DMBT1: variants seen among roughly 807,000 people sequenced by gnomAD.
DMBT1 encodes scavenger receptor cysteine-rich domain-containing protein DMBT1.
A neutral mutation model predicts 252.9 loss-of-function variants in DMBT1; 198 were observed. The observed-to-expected ratio is 0.78, with a 90% CI of 0.70 to 0.88. The LOEUF (loss-of-function observed/expected upper bound fraction) is 0.88, where lower values mean the gene tolerates loss of function less well. Ranked by LOEUF, DMBT1 falls within the 40% of genes least tolerant of loss-of-function variation. DMBT1 has a pLI of 0.00. For synonymous variants in DMBT1, 990 were observed against 942.7 expected, an observed-to-expected ratio of 1.05 and a Z score of -0.92; for missense variants, 2,432 against 2,404.7, an observed-to-expected ratio of 1.01 and a Z score of -0.24.
intron 45 of DMBT1, 32 bp from the exon 46 acceptor site, chr10:122,625,900 TA>T: frequency 6.3e-7 from 1 of 1,588,202 alleles, no homozygotes; most frequent in Non-Finnish European, 8.6e-7. Flanking sequence ...AATTATCTAC[TA>T]AAATCCTAAA....
chr10:122,575,613 G>A (rs1223273964), intron 6 of DMBT1, among the ~76,000 whole-genome samples: 1 of 152,148 alleles, frequency 6.6e-6, no homozygotes, highest in Non-Finnish European at 1.5e-5. Flanking sequence ...TGTTGTGACA[G>A]GTAATGAGTA....
In DMBT1 at chr10:122,579,779, G is replaced by A; in HGVS notation, c.881G>A (p.Gly294Glu). ...PGNAQFGQGS[G>E]PIVLDDVRCS... ...AATGCCCAGTTTGGCCAGGGCTCAG[G>A]ACCCATTGTCCTGGATGATGTGCGC... The change falls in exon 10 of 56, where the codon GGA becomes GAA. Residue 294 changes from glycine (G) to glutamate (E), a missense_variant. Gly to Glu is a moderately conservative substitution (Grantham distance 98, BLOSUM62 -2). This residue lies in a region of DMBT1 where 1,264 missense variants were observed against 1,082.2 expected (regional missense o/e 1.17). Transcript: ENST00000338354. 6.2e-7 allele frequency: 1 copy of A among 1,613,790 alleles called. No homozygotes were observed. Among genetic ancestry groups the A allele is most frequent in the Non-Finnish European group, 8.5e-7 (1 of 1,179,736 alleles).
At chr10:122,566,479 T>C (rs2097593827) in intron 2 of DMBT1, among the ~76,000 whole-genome samples, 1 of 151,856 alleles carries the variant, frequency 6.6e-6, no homozygotes, top group Non-Finnish European at 1.5e-5. Flanking sequence ...GCCCAGCTAA[T>C]TTTTGTATTT....
At chr10:122,625,651 G>C (rs1359246916) in intron 45 of DMBT1, among the ~76,000 whole-genome samples, 1 of 152,188 alleles carries the variant, frequency 6.6e-6, no homozygotes, top group East Asian at 1.9e-4. Context: ...ACATAGCCAA[G>C]TAATACTTCT....
rs1198325908 is a variant in DMBT1, at chr10:122,643,303, A to G, written c.7534A>G (p.Lys2512Glu). Residue 2512 changes from lysine (K) to glutamate (E), a missense_variant, in exon 56 of 56, where the codon AAG (lysine) becomes GAG (glutamate). Physicochemically the swap from Lys to Glu is moderately conservative, Grantham distance 56. Coordinates refer to ENST00000338354, the MANE Select transcript of DMBT1 (RefSeq NM_001377530.1). ...RCYRGCVLRS[K>E]RDVGSYQEKV... The stretch of plus-strand genomic sequence containing the variant: ...CTACCGAGGCTGTGTGTTGAGGTCG[A>G]AGAGGGATGTGGGCTCCTACCAGGA... The G allele has an allele frequency of 6.2e-7, 1 of 1,613,762 alleles. No individual in the cohort carries two copies. Among genetic ancestry groups the G allele is most frequent in the East Asian group, 2.2e-5 (1 of 44,878 alleles).
At chr10:122,591,066 G>A (rs367746930) in intron 18 of DMBT1, among the ~76,000 whole-genome samples, 32 of 148,732 alleles carry the variant, frequency 2.2e-4, no homozygotes, top group South Asian at 1.1e-3. Context: ...TGCTCAGGCA[G>A]GGAGAGCGAT....
At chr10:122,591,358 A>G in intron 18 of DMBT1, 121 bp from the exon 19 acceptor site, 1 of 1,156,478 alleles carries the variant, frequency 8.6e-7, no homozygotes, top group South Asian at 1.3e-5. Context: ...CATGGGGAGC[A>G]AGTGGCAGGA....
chr10:122,579,978 C>G lies in DMBT1; in HGVS notation c.1003+77C>G, dbSNP rs373481699. ...AAGAAACTCCTAATTACATTCTGAT[C>G]TCCTCACTCAAAGCTTCTATGTTTT... is the stretch of plus-strand genomic sequence containing the variant. On this transcript the variant is annotated intron_variant, in intron 10 of 55. Coordinates refer to ENST00000338354, the MANE Select transcript of DMBT1 (RefSeq NM_001377530.1). 3.1e-5 allele frequency: 50 copies of G among 1,603,648 alleles called. 1 individual carries two copies. In the East Asian group the frequency reaches 1.0e-3, roughly 34 times the overall value.
In DMBT1 at chr10:122,588,947, C is replaced by T; in HGVS notation, c.1787C>T (p.Pro596Leu). 2 of 1,587,902 alleles carry T rather than the reference C, an allele frequency of 1.3e-6. 1 individual carries two copies. Among genetic ancestry groups the T allele is most frequent in the Non-Finnish European group, 1.7e-6 (2 of 1,165,718 alleles). Residue 596 changes from proline (P) to leucine (L), a missense_variant, in exon 17 of 56, where the codon CCT (proline) becomes CTT (leucine). By Grantham distance (98) the Pro-to-Leu change is moderately conservative (BLOSUM62 -3). Around this residue, in one of 3 missense-constraint regions of DMBT1, gnomAD observed 1,264 missense variants for 1,082.2 expected, o/e 1.17. Transcript: ENST00000338354. ...SEDAGVICSG[P>L]ESSLALRLVN... Reference sequence around the variant, plus strand: ...GGGTTCTTGTGTTCTCCTATAGGACCTGAATCCAGTTTGGCCCTGAGGCTG... The same window carrying T: ...GGGTTCTTGTGTTCTCCTATAGGACTTGAATCCAGTTTGGCCCTGAGGCTG...
chr10:122,570,678 G>T (rs996329904), intron 3 of DMBT1, among the ~76,000 whole-genome samples: 2 of 152,148 alleles, frequency 1.3e-5, no homozygotes, highest in Non-Finnish European at 2.9e-5. Flanking sequence ...TTGGGGGAGG[G>T]TAAGTAGAGC....
intron 26 of DMBT1, among the ~76,000 whole-genome samples, 162 bp from the exon 27 acceptor site, chr10:122,599,902 A>G (rs969586617): frequency 7.2e-5 from 11 of 151,998 alleles, no homozygotes; most frequent in African/African-American, 2.7e-4. Context: ...GACCCCTTAC[A>G]TGGTGCATCT....
rs772950024 is a variant in DMBT1, at chr10:122,630,534, C to A, written c.6025+44C>A. 6 of 1,590,196 alleles carry A rather than the reference C, an allele frequency of 3.8e-6. No homozygotes were observed. The East Asian group carries it at 1.3e-4, about 36-fold the overall frequency. On this transcript the variant is annotated intron_variant, in intron 48 of 55. Coordinates refer to ENST00000338354, the MANE Select transcript of DMBT1 (RefSeq NM_001377530.1). ...ATGCCTATGAGGCTTGGTGGATTTA[C>A]CCAGCTGCCTCTTTGGGGGCACCAT...
chr10:122,629,950 G>T lies in DMBT1; in HGVS notation c.5779G>T (p.Val1927Leu). The T allele has an allele frequency of 6.2e-7, 1 of 1,614,028 alleles. No individual in the cohort carries two copies. Among genetic ancestry groups the T allele is most frequent in the Non-Finnish European group, 8.5e-7 (1 of 1,179,904 alleles). Residue 1927 changes from valine to leucine, a missense_variant, in exon 47 of 56, where the codon GTG becomes TTG. By Grantham distance (32) the Val-to-Leu change is conservative (BLOSUM62 1). Coordinates refer to ENST00000338354, the MANE Select transcript of DMBT1 (RefSeq NM_001377530.1). ...TGCTAAGTGTGTTTGGGAAATAGAA[G>T]TGAATTCTGGTTATCGCATAAACCT... Reference protein sequence around the residue: ...NNAKCVWEIEVNSGYRINLGF... With the variant: ...NNAKCVWEIELNSGYRINLGF...
chr10:122,639,522 G>C (rs1040422319), intron 54 of DMBT1, among the ~76,000 whole-genome samples: 5 of 152,170 alleles, frequency 3.3e-5, no homozygotes, highest in African/African-American at 9.6e-5. Flanking sequence ...GGTGCTCAGT[G>C]GGGGAGCTTC....
intron 54 of DMBT1, among the ~76,000 whole-genome samples, chr10:122,638,919 CTT>C (rs1354355236): frequency 6.6e-6 from 1 of 152,224 alleles, no homozygotes; most frequent in Non-Finnish European, 1.5e-5. Context: ...TGCTATATAA[CTT>C]TTAAAATTCT....
intron 3 of DMBT1, 107 bp downstream of exon 3, chr10:122,570,316 C>A: frequency 1.0e-6 from 1 of 989,346 alleles, no homozygotes; most frequent in Non-Finnish European, 1.6e-6. Flanking sequence ...GCAACTCTGG[C>A]ATTCAGTGTT....
chr10:122,561,613 A>T (rs2097547071), intron 1 of DMBT1, among the ~76,000 whole-genome samples: 1 of 132,532 alleles, frequency 7.5e-6, no homozygotes, highest in Non-Finnish European at 1.6e-5. Context: ...TGTAGTTATT[A>T]TCATCTTTTC....
chr10:122,624,782 T>C (rs1339237519), intron 44 of DMBT1, among the ~76,000 whole-genome samples: 2 of 152,232 alleles, frequency 1.3e-5, no homozygotes, highest in Admixed American at 6.5e-5. Context: ...ACTGTGGAGC[T>C]GCCCGCACAA....
At chr10:122,597,751 A>C (rs2097896275) in intron 24 of DMBT1, among the ~76,000 whole-genome samples, 1 of 152,206 alleles carries the variant, frequency 6.6e-6, no homozygotes, top group Admixed American at 6.5e-5. Context: ...AGAAGAGGAC[A>C]TCCCACACTT....
Sources: gnomAD v4.1 joint callset for allele counts (sites outside exome capture counted in the v4.1 genomes callset) on GRCh38, gnomAD v4.1.1 for gene constraint, gnomAD v4.1.1 regional missense constraint, MANE v1.5 for transcripts, NCBI Gene and HGNC (gene_info 2026-07-23, HGNC 2026-07-21) for gene names.